The following ANKRD12 variants were observed in gnomAD, a reference collection of about 807,000 sequenced individuals.
The protein encoded by ANKRD12 is ankyrin repeat domain-containing protein 12.
ANKRD12 carries 85 observed loss-of-function variants against 183.4 expected under a neutral mutation model. The observed-to-expected ratio is 0.46, with a 90% CI of 0.39 to 0.56. ANKRD12 has a LOEUF of 0.56. ANKRD12 is among the 20% of genes least tolerant of loss of function. ANKRD12 has a pLI of 0.00. For synonymous variants in ANKRD12, 914 were observed against 800.2 expected (o/e 1.14, Z -2.40); for missense variants, 2,405 against 2,357.1 (o/e 1.02, Z -0.42).
At position 9,256,391 on chromosome 18, in the gene ANKRD12, T is replaced by A. The variant is rs775783370; in HGVS notation, c.3124T>A (p.Leu1042Ile). Reference protein sequence around the residue: ...KHKDKIQINSLLKLKSEADKP... With the variant: ...KHKDKIQINSILKLKSEADKP... ...TAAAGATAAAATTCAAATAAATAGC[T>A]TACTCAAACTAAAATCTGAAGCAGA... Residue 1042 changes from leucine to isoleucine, a missense_variant, in exon 9 of 13, where the codon TTA becomes ATA. By Grantham distance (5) the Leu-to-Ile change is conservative. Around this residue, in one of 7 missense-constraint regions of ANKRD12, gnomAD observed 1,983 missense variants for 1,725.9 expected, o/e 1.15. Coordinates refer to ENST00000262126, the MANE Select transcript of ANKRD12 (RefSeq NM_015208.5). 7 of 1,609,122 alleles carry A rather than the reference T, an allele frequency of 4.4e-6. No homozygotes were observed. In the Admixed American group the frequency reaches 8.5e-5, roughly 19 times the overall value.
chr18:9,195,609 G>A lies in ANKRD12; in HGVS notation c.146G>A (p.Ser49Asn). ...KTPKIERSDV[S>N]KEMKEKSSMK... The stretch of plus-strand genomic sequence containing the variant: ...CCAAAAATTGAACGAAGTGATGTGA[G>A]CAAGGAGATGAAAGAGAAATCATCC... The change falls in exon 3 of 13, where the codon AGC becomes AAC. Residue 49 changes from serine to asparagine, a missense_variant. Ser to Asn is a conservative substitution (Grantham distance 46). This residue lies in a region of ANKRD12 where 145 missense variants were observed against 145.6 expected (regional missense o/e 1.00). Transcript: ENST00000262126. The A allele has an allele frequency of 3.1e-6, 5 of 1,612,622 alleles. No homozygotes were observed. Among genetic ancestry groups the A allele is most frequent in the Non-Finnish European group, 4.2e-6 (5 of 1,179,342 alleles).
At chr18:9,223,146 T>C (rs2036514907) in intron 8 of ANKRD12, among the ~76,000 whole-genome samples, 1 of 152,142 alleles carries the variant, frequency 6.6e-6, no homozygotes, top group Admixed American at 6.5e-5. Flanking sequence ...GGGTTGGGCG[T>C]GGTGGCTCAC....
intron 1 of ANKRD12, among the ~76,000 whole-genome samples, chr18:9,141,050 C>T (rs1272176633): frequency 6.6e-6 from 1 of 151,612 alleles, no homozygotes; most frequent in African/African-American, 2.4e-5. Context: ...TGTTGGTTTT[C>T]GAAGAGTTTG....
Position 9,265,823 on chromosome 18 carries a change from G to A in ANKRD12, c.5763+1935G>A, listed in dbSNP as rs149045724. Among the ~76,000 whole-genome samples, 1,089 of 152,234 alleles carry A rather than the reference G, an allele frequency of 7.2e-3. 14 individuals are homozygous for A. The highest frequency in any genetic ancestry group is 0.025 in the African/African-American group (1,019 of 41,534). On this transcript the variant is annotated intron_variant, in intron 10 of 12. Transcript: ENST00000262126. ...AGGCTTCAGATGATCAAACTACTCC[G>A]AGATAAAGGAGGAAGTTCGAACCCA...
At chr18:9,156,137 CAAAAAA>C (rs34154495) in intron 1 of ANKRD12, among the ~76,000 whole-genome samples, 2 of 104,122 alleles carry the variant, frequency 1.9e-5, no homozygotes, top group Non-Finnish European at 3.7e-5. Context: ...GACTCTGTCT[CAAAAAA>C]AAAAAAAAAA....
At chr18:9,233,980 G>C (rs889572187) in intron 8 of ANKRD12, among the ~76,000 whole-genome samples, 2 of 152,204 alleles carry the variant, frequency 1.3e-5, no homozygotes, top group African/African-American at 4.8e-5. Context: ...GGTAGGGGCA[G>C]TGCCAGTGGT....
chr18:9,262,131 TCTCATAATG>T (rs2039005237), intron 9 of ANKRD12, among the ~76,000 whole-genome samples: 1 of 152,196 alleles, frequency 6.6e-6, no homozygotes. Context: ...GTTTTCAGTC[TCTCATAATG>T]CTGATTATAG....
At chr18:9,220,394 A>G (rs1417250754) in intron 7 of ANKRD12, among the ~76,000 whole-genome samples, 5 of 152,216 alleles carry the variant, frequency 3.3e-5, no homozygotes, top group Non-Finnish European at 7.3e-5. Flanking sequence ...TATGTATGAT[A>G]GAACACACCA....
intron 8 of ANKRD12, among the ~76,000 whole-genome samples, chr18:9,245,572 ATGTC>A (rs1445815370): frequency 6.6e-6 from 1 of 152,218 alleles, no homozygotes; most frequent in Non-Finnish European, 1.5e-5. Context: ...CAAGATATTT[ATGTC>A]TGAGTCGTGA....
rs757783778 is a variant in ANKRD12, at chr18:9,254,591, T to C, written c.1324T>C (p.Ser442Pro). The C allele has an allele frequency of 1.9e-6, 3 of 1,581,514 alleles. No homozygotes were observed. The highest frequency in any genetic ancestry group is 2.6e-6 in the Non-Finnish European group (3 of 1,168,414). Residue 442 changes from serine (S) to proline (P), a missense_variant, in exon 9 of 13, where the codon TCA (serine) becomes CCA (proline). By Grantham distance (74) the Ser-to-Pro change is moderately conservative. Transcript: ENST00000262126. ...TCTTCAGAATAAAAAGATTTCTACT[T>C]CATGTTCCGTCATCCCTGAAACATC... ...EALQNKKIST[S>P]CSVIPETSNS...
chr18:9,251,113 A>G (rs16954889), intron 8 of ANKRD12, among the ~76,000 whole-genome samples: 2,173 of 152,312 alleles, frequency 0.014, 53 homozygotes, highest in African/African-American at 0.05. Context: ...TTTTAAAATC[A>G]TCTCATTAGG....
At chr18:9,226,825 TA>T (rs912267114) in intron 8 of ANKRD12, among the ~76,000 whole-genome samples, 2 of 151,890 alleles carry the variant, frequency 1.3e-5, no homozygotes, top group African/African-American at 4.8e-5. Context: ...TGCTCTTTTT[TA>T]AAAAAAATAA....
chr18:9,213,679 A>G (rs1374221543), intron 6 of ANKRD12, among the ~76,000 whole-genome samples: 1 of 151,818 alleles, frequency 6.6e-6, no homozygotes, highest in African/African-American at 2.4e-5. Context: ...TCTTCAAATT[A>G]TTATTTCTGG....
chr18:9,189,074 T>A (rs1480153637), intron 2 of ANKRD12, among the ~76,000 whole-genome samples: 2 of 151,960 alleles, frequency 1.3e-5, no homozygotes, highest in Non-Finnish European at 2.9e-5. Context: ...AAGAGAGGAA[T>A]GCCAAGGAAA....
At chr18:9,140,086 G>C (rs1050210507) in intron 1 of ANKRD12, among the ~76,000 whole-genome samples, 10 of 152,064 alleles carry the variant, frequency 6.6e-5, no homozygotes, top group African/African-American at 2.4e-4. Context: ...TCAGAACCTT[G>C]CCTTCTATCA....
At chr18:9,272,272 G>A (rs2039640836) in intron 10 of ANKRD12, among the ~76,000 whole-genome samples, 1 of 152,158 alleles carries the variant, frequency 6.6e-6, no homozygotes, top group Non-Finnish European at 1.5e-5. Flanking sequence ...TTTAGAAAAT[G>A]TATTTCTTGG....
intron 1 of ANKRD12, among the ~76,000 whole-genome samples, chr18:9,163,905 T>C (rs2031740851): frequency 1.3e-5 from 2 of 152,190 alleles, no homozygotes; most frequent in Admixed American, 6.5e-5. Context: ...CTGAAGTTGC[T>C]TATCAGCTTA....
intron 1 of ANKRD12, among the ~76,000 whole-genome samples, chr18:9,172,555 G>A (rs1302514772): frequency 6.6e-6 from 1 of 152,126 alleles, no homozygotes; most frequent in East Asian, 1.9e-4. Flanking sequence ...CTCATCTTGT[G>A]TTTCTCAGCT....
chr18:9,232,996 T>G (rs2037141417), intron 8 of ANKRD12, among the ~76,000 whole-genome samples: 1 of 151,918 alleles, frequency 6.6e-6, no homozygotes, highest in African/African-American at 2.4e-5. Flanking sequence ...ATTACTGGTG[T>G]GCACCACCAC....
Sources: gnomAD v4.1 joint callset for allele counts (sites outside exome capture counted in the v4.1 genomes callset) on GRCh38, gnomAD v4.1.1 for gene constraint, gnomAD v4.1.1 regional missense constraint, MANE v1.5 for transcripts, NCBI Gene and HGNC (gene_info 2026-07-23, HGNC 2026-07-21) for gene names.